The following USH2A variants were observed in gnomAD, a reference collection of about 807,000 sequenced individuals.
The protein encoded by USH2A is Usher syndrome 2A (autosomal recessive, mild).
In USH2A, 443 loss-of-function variants were observed where a neutral mutation model predicts 538.9. The observed-to-expected ratio is 0.82, with a 90% CI of 0.76 to 0.89. The LOEUF (loss-of-function observed/expected upper bound fraction) is 0.89. Among genes scored for constraint, USH2A ranks in the 40% least tolerant of loss-of-function variants. The pLI is 0.00. For missense variants in USH2A, 6,633 were observed against 6,324.8 expected, an observed-to-expected ratio of 1.05 and a Z score of -1.65; for synonymous variants, 2,413 against 2,273.5, an observed-to-expected ratio of 1.06 and a Z score of -1.75.
In USH2A at chr1:216,198,390, C is replaced by T. The variant is rs746429657; in HGVS notation, c.4006G>A (p.Glu1336Lys). ...ATATTCACAGCTAAGACTCTGAACT[C>T]ATACTTGGTGTATGGCTCCAAGCCA... is the stretch of plus-strand genomic sequence containing the variant. ...ITGLEPYTKY[E>K]FRVLAVNMAG... The change falls in exon 18 of 72, where the codon GAG becomes AAG. Residue 1336 changes from glutamate (E) to lysine (K), a missense_variant. Transcript: ENST00000307340. 2 of 1,613,910 alleles carry T rather than the reference C, an allele frequency of 1.2e-6. No individual in the cohort carries two copies. The highest frequency in any genetic ancestry group is 2.7e-5 in the African/African-American group (2 of 74,912).
chr1:215,637,119 G>A (rs1656519533), intron 69 of USH2A, among the ~76,000 whole-genome samples: 1 of 152,124 alleles, frequency 6.6e-6, no homozygotes, highest in East Asian at 1.9e-4. Flanking sequence ...AAAGAAAACC[G>A]AAACCACAGC....
chr1:216,192,463 G>A (rs577331245), intron 19 of USH2A, among the ~76,000 whole-genome samples: 13 of 151,970 alleles, frequency 8.6e-5, no homozygotes, highest in African/African-American at 2.4e-4. Flanking sequence ...AGACCGAGGC[G>A]GGTGGATCAC....
chr1:215,870,862 AAG>A (rs1266073657), intron 43 of USH2A, among the ~76,000 whole-genome samples: 1 of 152,154 alleles, frequency 6.6e-6, no homozygotes, highest in African/African-American at 2.4e-5. Flanking sequence ...TAAATGATAA[AAG>A]AATACATTTT....
intron 4 of USH2A, among the ~76,000 whole-genome samples, chr1:216,355,370 A>AGAAG: frequency 6.9e-6 from 1 of 144,784 alleles, no homozygotes; most frequent in South Asian, 2.2e-4. Context: ...AAAGAAAGAA[A>AGAAG]GAAAGAAGGA....
Position 215,844,415 on chromosome 1 carries a change from G to C in USH2A, c.9137C>G (p.Pro3046Arg). The C allele has an allele frequency of 1.2e-6, 2 of 1,613,560 alleles. No individual in the cohort carries two copies. The highest frequency in any genetic ancestry group is 2.7e-5 in the African/African-American group (2 of 75,028). ...AGAATACTCAGTGACAACACCATTT[G>C]GGTTTGAAGGAGATGTCCAGATGAC... Reference protein sequence around the residue: ...VRVIWTSPSNPNGVVTEYSIY... With the variant: ...VRVIWTSPSNRNGVVTEYSIY... The change falls in exon 46 of 72, where the codon CCA becomes CGA. Residue 3046 changes from proline (P) to arginine (R), a missense_variant. By Grantham distance (103) the Pro-to-Arg change is moderately radical. Transcript: ENST00000307340.
intron 3 of USH2A, among the ~76,000 whole-genome samples, chr1:216,370,093 G>A (rs578041404): frequency 1.0e-3 from 159 of 151,970 alleles, no homozygotes; most frequent in Non-Finnish European, 2.0e-3. Flanking sequence ...GCACAATGGC[G>A]CGTGCCTGTA....
At chr1:215,991,301 C>G (rs1306569654) in intron 35 of USH2A, among the ~76,000 whole-genome samples, 1 of 152,034 alleles carries the variant, frequency 6.6e-6, no homozygotes, top group African/African-American at 2.4e-5. Context: ...GAATACCAGA[C>G]TAAAAAATTT....
chr1:216,072,770 C>T, intron 29 of USH2A, 119 bp downstream of exon 29: 1 of 966,070 alleles, frequency 1.0e-6, no homozygotes, highest in Non-Finnish European at 1.7e-6. Flanking sequence ...CCAAGGCATG[C>T]TCTGTCAGAA....
chr1:215,745,045 A>G (rs529675693), intron 58 of USH2A, among the ~76,000 whole-genome samples: 2 of 152,210 alleles, frequency 1.3e-5, no homozygotes, highest in African/African-American at 4.8e-5. Flanking sequence ...ACAATTCTAA[A>G]ACAGAACTAG....
intron 60 of USH2A, among the ~76,000 whole-genome samples, chr1:215,735,134 A>T (rs1188485163): frequency 6.6e-6 from 1 of 152,156 alleles, no homozygotes; most frequent in African/African-American, 2.4e-5. Flanking sequence ...ACTTAATTTC[A>T]TGTTTCCTCC....
chr1:216,360,085 T>G (rs531995558), intron 4 of USH2A, among the ~76,000 whole-genome samples: 1 of 152,158 alleles, frequency 6.6e-6, no homozygotes, highest in East Asian at 1.9e-4. Context: ...TGAAAACTTA[T>G]GTTCACACAA....
At chr1:216,174,933 A>T in intron 21 of USH2A, 1 of 1,180,940 alleles carries the variant, frequency 8.5e-7, no homozygotes, top group South Asian at 1.8e-5. Flanking sequence ...TGCTCAGAGA[A>T]CACAGTGAAT....
At chr1:216,178,584 T>C (rs537674984) in intron 20 of USH2A, among the ~76,000 whole-genome samples, 26 of 152,262 alleles carry the variant, frequency 1.7e-4, no homozygotes, top group African/African-American at 5.8e-4. Context: ...TTACATAATG[T>C]TTAAATTGAA....
intron 30 of USH2A, among the ~76,000 whole-genome samples, chr1:216,064,222 C>T (rs1021314073): frequency 6.6e-6 from 1 of 152,004 alleles, no homozygotes; most frequent in African/African-American, 2.4e-5. Context: ...ATTTATTTTC[C>T]AATCTGCTTA....
At chr1:216,065,569 C>T (rs2031329350) in intron 30 of USH2A, among the ~76,000 whole-genome samples, 2 of 152,062 alleles carry the variant, frequency 1.3e-5, no homozygotes, top group Admixed American at 1.3e-4. Context: ...CAGAGAAAAA[C>T]TTTAATGAGA....
intron 61 of USH2A, among the ~76,000 whole-genome samples, chr1:215,693,016 A>G (rs1571962942): frequency 6.7e-6 from 1 of 150,082 alleles, no homozygotes; most frequent in African/African-American, 2.5e-5. Context: ...CAATCCTCCC[A>G]CCTCAGCCTC....
intron 58 of USH2A, among the ~76,000 whole-genome samples, chr1:215,751,200 A>G (rs1169800292): frequency 6.6e-6 from 1 of 152,200 alleles, no homozygotes; most frequent in Non-Finnish European, 1.5e-5. Context: ...ATGTCCATAA[A>G]TAGACCATAT....
intron 49 of USH2A, among the ~76,000 whole-genome samples, chr1:215,804,005 A>G (rs1298983837): frequency 1.3e-5 from 2 of 152,204 alleles, no homozygotes; most frequent in African/African-American, 4.8e-5. Flanking sequence ...CTGATCTTTG[A>G]CAAACCTGAC....
chr1:216,388,975 T>G lies in USH2A; in HGVS notation c.652-23890A>C, dbSNP rs569052102. On this transcript the variant is annotated intron_variant, in intron 3 of 71. Coordinates refer to ENST00000307340, the MANE Select transcript of USH2A (RefSeq NM_206933.4). ...TATATGACAAATTTTCACAAAGTTA[T>G]ATATGATGGCAGTATAAGAATAAGA... is the stretch of plus-strand genomic sequence containing the variant. 2.4e-4 allele frequency among the ~76,000 whole-genome samples: 37 copies of G among 152,306 alleles called. 1 individual carries two copies. The South Asian group carries it at 7.2e-3, about 30-fold the overall frequency.
Sources: gnomAD v4.1 joint callset for allele counts (sites outside exome capture counted in the v4.1 genomes callset) on GRCh38, gnomAD v4.1.1 for gene constraint, MANE v1.5 for transcripts, NCBI Gene and HGNC (gene_info 2026-07-23, HGNC 2026-07-21) for gene names.